The following CABLES1 variants were observed in gnomAD, a reference collection of about 807,000 sequenced individuals.
CABLES1 encodes the protein CDK5 and ABL1 enzyme substrate 1.
In CABLES1, 36 loss-of-function variants were observed where a neutral mutation model predicts 57.8. The observed-to-expected ratio is 0.62, with a 90% CI of 0.48 to 0.82. The LOEUF (loss-of-function observed/expected upper bound fraction) is 0.82. CABLES1 is among the 40% of genes least tolerant of loss of function. The pLI, the probability that CABLES1 is intolerant of heterozygous loss-of-function variation, is 0.00. For synonymous variants in CABLES1, 374 were observed against 363.0 expected (o/e 1.03, Z -0.35); for missense variants, 767 against 836.6 (o/e 0.92, Z 1.03).
At chr18:23,226,768 T>G (rs2047531029) in intron 4 of CABLES1, among the ~76,000 whole-genome samples, 1 of 152,186 alleles carries the variant, frequency 6.6e-6, no homozygotes, top group African/African-American at 2.4e-5. Flanking sequence ...CTTTACTTCC[T>G]GAGATCTGGA....
At chr18:23,182,117 C>G (rs2047171632) in intron 1 of CABLES1, among the ~76,000 whole-genome samples, 1 of 152,108 alleles carries the variant, frequency 6.6e-6, no homozygotes, top group African/African-American at 2.4e-5. Flanking sequence ...AGGTATTTAC[C>G]CAAGTCGTTT....
rs139834326 is a variant in CABLES1 at position 23,159,122 on chromosome 18, C to T, written c.845+22515C>T. 2.8e-4 allele frequency among the ~76,000 whole-genome samples: 42 copies of T among 152,352 alleles called. 1 individual carries two copies. The East Asian group carries it at 7.7e-3, about 28-fold the overall frequency. On this transcript the variant is annotated intron_variant, in intron 1 of 9. Transcript: ENST00000256925. ...CTGGGATTACAGGGGCACACCACCA[C>T]GCCCGGTTAATTTTGTATTTCTAGT...
intron 1 of CABLES1, among the ~76,000 whole-genome samples, chr18:23,154,935 C>T (rs1426035473): frequency 6.6e-6 from 1 of 152,182 alleles, no homozygotes. Flanking sequence ...CCCATCCAGC[C>T]CCTGTTGGTG....
chr18:23,252,995 CAAG>C lies in CABLES1; in HGVS notation c.1486_1488del (p.Lys496del). ...TTGACTACGTGAAGCCCTCGGATCT[CAAG>C]AAGGACATGAACGAGACCTTCAAGG... On this transcript the variant is annotated inframe_deletion, in exon 8 of 10. Coordinates refer to ENST00000256925, the MANE Select transcript of CABLES1 (RefSeq NM_001100619.3). The C allele has an allele frequency of 3.1e-6, 5 of 1,613,656 alleles. No individual in the cohort carries two copies. Among genetic ancestry groups the C allele is most frequent in the South Asian group, 1.1e-5 (1 of 91,068 alleles).
chr18:23,154,565 C>G (rs1213101504), intron 1 of CABLES1, among the ~76,000 whole-genome samples: 1 of 152,188 alleles, frequency 6.6e-6, no homozygotes, highest in Non-Finnish European at 1.5e-5. Flanking sequence ...CTGTAAGGCA[C>G]TTACAGTACC....
At chr18:23,226,336 A>G (rs2047527433) in intron 4 of CABLES1, among the ~76,000 whole-genome samples, 1 of 150,100 alleles carries the variant, frequency 6.7e-6, no homozygotes, top group Non-Finnish European at 1.5e-5. Context: ...TGAGAAGTGG[A>G]GGTTGCAGTG....
At chr18:23,203,474 A>G (rs1478259136) in intron 3 of CABLES1, among the ~76,000 whole-genome samples, 2 of 151,430 alleles carry the variant, frequency 1.3e-5, no homozygotes, top group Admixed American at 1.3e-4. Context: ...AAAAAAAAAG[A>G]AAGAAACACG....
At chr18:23,150,368 C>G (rs1327742165) in intron 1 of CABLES1, among the ~76,000 whole-genome samples, 3 of 152,066 alleles carry the variant, frequency 2.0e-5, no homozygotes, top group African/African-American at 7.2e-5. Context: ...GCCACCACGC[C>G]TGGCTAATTT....
intron 4 of CABLES1, among the ~76,000 whole-genome samples, chr18:23,216,668 A>G (rs1333303238): frequency 1.3e-5 from 2 of 152,232 alleles, no homozygotes; most frequent in African/African-American, 4.8e-5. Context: ...CATTAACTTG[A>G]AGATAACGAC....
chr18:23,190,074 G>A lies in CABLES1; in HGVS notation c.917+1165G>A, dbSNP rs149298185. Among the ~76,000 whole-genome samples, 59 of 152,300 alleles carry A rather than the reference G, an allele frequency of 3.9e-4. No homozygotes were observed. In the East Asian group the frequency reaches 0.011, roughly 28 times the overall value. On this transcript the variant is annotated intron_variant, in intron 2 of 9. Transcript: ENST00000256925. The stretch of plus-strand genomic sequence containing the variant: ...TGGTATGTGGCTGTGTGGCAAACGC[G>A]GCCTGGGAACAAGTGTTACTCTGTG...
intron 7 of CABLES1, among the ~76,000 whole-genome samples, chr18:23,240,391 A>G (rs564372667): frequency 6.6e-6 from 1 of 152,300 alleles, no homozygotes; most frequent in Admixed American, 6.5e-5. Context: ...AGAGCCCACA[A>G]ATGATGATGC....
chr18:23,136,672 C>CCCAGAGACCGCGGGGA, intron 1 of CABLES1, 65 bp downstream of exon 1: 1 of 1,088,458 alleles, frequency 9.2e-7, no homozygotes, highest in Non-Finnish European at 1.2e-6. Context: ...AGCCTCCCCG[C>CCCAGAGACCGCGGGGA]GGTCTCTGGG....
chr18:23,226,403 A>G (rs1297979941), intron 4 of CABLES1, among the ~76,000 whole-genome samples: 1 of 16,570 alleles, frequency 6.0e-5, no homozygotes, highest in Admixed American at 1.2e-3. Context: ...CTTCATCTCA[A>G]AAAAAAAAAA....
At chr18:23,228,746 TAAAAAAA>T (rs572362933) in intron 4 of CABLES1, among the ~76,000 whole-genome samples, 2 of 125,732 alleles carry the variant, frequency 1.6e-5, no homozygotes, top group African/African-American at 6.1e-5. Context: ...AGCCTTTGTT[TAAAAAAA>T]AAAAAAAAAA....
chr18:23,203,039 T>C (rs994385258), intron 3 of CABLES1, among the ~76,000 whole-genome samples: 1 of 151,758 alleles, frequency 6.6e-6, no homozygotes, highest in Non-Finnish European at 1.5e-5. Context: ...CATTTATGTC[T>C]AGTGACCCTC....
intron 1 of CABLES1, among the ~76,000 whole-genome samples, chr18:23,143,826 C>T (rs1312731450): frequency 0.076 from 5 of 66 alleles, no homozygotes; most frequent in East Asian, 0.5. Context: ...CCCTGTCAAT[C>T]CCTCCCCCCC....
chr18:23,169,170 C>T (rs1322551387), intron 1 of CABLES1, among the ~76,000 whole-genome samples: 5 of 152,148 alleles, frequency 3.3e-5, no homozygotes, highest in African/African-American at 4.8e-5. Flanking sequence ...AGGAAGTTAC[C>T]CTATATGGTC....
chr18:23,227,130 T>C (rs1350194253), intron 4 of CABLES1: 1 of 152,192 alleles, frequency 6.6e-6, no homozygotes, highest in South Asian at 2.1e-4. Context: ...GATGAGGTCA[T>C]CCGCTTGGGT....
intron 7 of CABLES1, among the ~76,000 whole-genome samples, chr18:23,252,392 A>G (rs2048060389): frequency 6.6e-6 from 1 of 152,246 alleles, no homozygotes; most frequent in Non-Finnish European, 1.5e-5. Flanking sequence ...TTTTACCACC[A>G]TTTAAAAAAC....
Sources: allele counts gnomAD v4.1 joint callset (sites outside exome capture counted in the v4.1 genomes callset), GRCh38; gene constraint gnomAD v4.1.1; transcripts MANE v1.5; gene names NCBI Gene and HGNC (gene_info 2026-07-23, HGNC 2026-07-21).